Variants in CFAP43 observed in about 807,000 individuals in gnomAD.
CFAP43 encodes cilia- and flagella-associated protein 43.
A neutral mutation model predicts 218.9 loss-of-function variants in CFAP43; 155 were observed. That is an observed-to-expected ratio of 0.71 (90% confidence interval 0.62 to 0.81). The LOEUF (loss-of-function observed/expected upper bound fraction) is 0.81. Ranked by LOEUF, CFAP43 falls within the 30% of genes least tolerant of loss-of-function variation. The probability of loss-of-function intolerance (pLI) is 0.00; values close to 1 mark genes in which losing one functional copy is unlikely to be tolerated. For missense variants in CFAP43, 1,778 were observed against 1,954.3 expected (o/e 0.91, Z 1.70); for synonymous variants, 645 against 681.3 (o/e 0.95, Z 0.83).
At chr10:104,231,237 G>T (rs2091440738) in intron 1 of CFAP43, among the ~76,000 whole-genome samples, 1 of 152,082 alleles carries the variant, frequency 6.6e-6, no homozygotes, top group Non-Finnish European at 1.5e-5. Flanking sequence ...TAATTAGTTT[G>T]ATTTTTTTAA....
chr10:104,203,554 A>T, intron 8 of CFAP43, 118 bp downstream of exon 8: 2 of 945,740 alleles, frequency 2.1e-6, no homozygotes, highest in Non-Finnish European at 2.9e-6. Flanking sequence ...TTTACAACCT[A>T]GAGTCTTGAC....
intron 27 of CFAP43, among the ~76,000 whole-genome samples, chr10:104,153,843 CT>C (rs1293417007): frequency 1.3e-5 from 2 of 149,332 alleles, no homozygotes; most frequent in African/African-American, 2.5e-5. Context: ...CTTTCCTACA[CT>C]TTTCTGAACC....
rs1589750757 is a variant in CFAP43 at position 104,193,719 on chromosome 10, C to G, written c.1442+147G>C. The G allele has an allele frequency of 8.7e-6, 10 of 1,148,904 alleles. 1 individual carries two copies. In the East Asian group the frequency reaches 2.6e-4, roughly 30 times the overall value. 71.2% of individuals were successfully genotyped at this position (1,148,904 alleles called of 1,614,324 possible). A position where few individuals can be genotyped will look rare whatever the true frequency, so the allele number is the denominator to read the frequency against. ...TACTTTACTACACAGCCCTCTGTAC[C>G]TTTTGAGTGTTGAACTGTGTGAATA... On this transcript the variant is annotated intron_variant, in intron 11 of 37. Coordinates refer to ENST00000357060, the MANE Select transcript of CFAP43 (RefSeq NM_025145.7).
At chr10:104,226,583 A>T (rs2091309574) in intron 2 of CFAP43, among the ~76,000 whole-genome samples, 1 of 152,178 alleles carries the variant, frequency 6.6e-6, no homozygotes, top group South Asian at 2.1e-4. Flanking sequence ...AAGAGAGAAA[A>T]ATATACCCTC....
At chr10:104,172,636 TG>T in intron 19 of CFAP43, 101 bp from the exon 20 acceptor site, 2 of 1,021,352 alleles carry the variant, frequency 2.0e-6, no homozygotes, top group Non-Finnish European at 2.7e-6. Flanking sequence ...AAAAAATAGA[TG>T]TTCTATTTAT....
chr10:104,133,250 T>C (rs891475659), intron 35 of CFAP43, among the ~76,000 whole-genome samples: 1 of 152,198 alleles, frequency 6.6e-6, no homozygotes, highest in African/African-American at 2.4e-5. Context: ...ATTGAAGTGT[T>C]AGAGGCAAAA....
At chr10:104,178,820 A>G (rs1280606118) in intron 19 of CFAP43, among the ~76,000 whole-genome samples, 1 of 152,208 alleles carries the variant, frequency 6.6e-6, no homozygotes, top group African/African-American at 2.4e-5. Context: ...AAGACAAATA[A>G]GATGGTAATT....
intron 12 of CFAP43, among the ~76,000 whole-genome samples, chr10:104,191,864 T>C (rs2090235484): frequency 6.6e-6 from 1 of 151,866 alleles, no homozygotes; most frequent in East Asian, 1.9e-4. Context: ...TCATTAGAGA[T>C]AAAATATTAA....
chr10:104,179,099 T>G lies in CFAP43; in HGVS notation c.2390A>C (p.Lys797Thr). Residue 797 changes from lysine to threonine, a missense_variant, in exon 19 of 38, where the codon AAA becomes ACA. Physicochemically the swap from Lys to Thr is moderately conservative, Grantham distance 78. Coordinates refer to ENST00000357060, the MANE Select transcript of CFAP43 (RefSeq NM_025145.7). ...WIQQKSQEAI[K>T]KEVNLFSKKR... is the part of the protein sequence containing the mutation. ...CTTGGAAAACAGATTAACCTCCTTT[T>G]TGATGGCCTGAAACAGAACAAGTAT... is the stretch of plus-strand genomic sequence containing the variant. 6.2e-7 allele frequency: 1 copy of G among 1,612,968 alleles called. No individual in the cohort carries two copies. The highest frequency in any genetic ancestry group is 1.1e-5 in the South Asian group (1 of 90,984).
At chr10:104,165,665 A>G (rs2089116407) in intron 23 of CFAP43, among the ~76,000 whole-genome samples, 1 of 151,642 alleles carries the variant, frequency 6.6e-6, no homozygotes, top group Non-Finnish European at 1.5e-5. Context: ...TTCTACATGT[A>G]TAGACGTATT....
chr10:104,169,894 G>A (rs2089334979), intron 20 of CFAP43, among the ~76,000 whole-genome samples: 1 of 152,096 alleles, frequency 6.6e-6, no homozygotes, highest in Non-Finnish European at 1.5e-5. Flanking sequence ...CTCCACTGCT[G>A]AGGCTGTTTG....
chr10:104,159,854 T>C (rs2088779306), intron 27 of CFAP43, among the ~76,000 whole-genome samples: 1 of 152,168 alleles, frequency 6.6e-6, no homozygotes, highest in Non-Finnish European at 1.5e-5. Context: ...CCTTCCATTT[T>C]CACAGAGAAA....
At chr10:104,172,133 G>T (rs2089437646) in intron 20 of CFAP43, among the ~76,000 whole-genome samples, 1 of 152,176 alleles carries the variant, frequency 6.6e-6, no homozygotes, top group Non-Finnish European at 1.5e-5. Flanking sequence ...TGGCTGAGAA[G>T]ACTTCCAACA....
At chr10:104,198,812 G>A (rs564076641) in intron 8 of CFAP43, among the ~76,000 whole-genome samples, 38 of 151,456 alleles carry the variant, frequency 2.5e-4, no homozygotes, top group Admixed American at 7.2e-4. Context: ...CACTGTGCTC[G>A]GCTAATTTTT....
rs544694552 is a variant in CFAP43 at position 104,129,889 on chromosome 10, A to G, written c.*250T>C. 1.1e-5 allele frequency: 4 copies of G among 362,404 alleles called. No individual in the cohort carries two copies. The South Asian group carries it at 2.0e-4, about 18-fold the overall frequency. The allele number at this position is 362,404 out of a possible 1,614,324, so 22.4% of individuals were successfully genotyped here. On this transcript the variant is annotated 3_prime_UTR_variant, in exon 38 of 38. Transcript: ENST00000357060. ...TAAATGAGTAAAATAGATCTTGAAT[A>G]CTTTCTGACTTCAAGTCTTGTTTAT...
intron 29 of CFAP43, 55 bp downstream of exon 29, chr10:104,147,836 G>A: frequency 7.9e-7 from 1 of 1,264,712 alleles, no homozygotes; most frequent in East Asian, 2.4e-5. Context: ...CTTGCTAAAT[G>A]AGGGGCATGT....
At chr10:104,218,427 C>T (rs916405406) in intron 3 of CFAP43, among the ~76,000 whole-genome samples, 2 of 150,734 alleles carry the variant, frequency 1.3e-5, no homozygotes, top group African/African-American at 4.9e-5. Flanking sequence ...AAGCCTTATG[C>T]AATTCTTCCA....
chr10:104,153,028 C>A (rs559466804), intron 27 of CFAP43, among the ~76,000 whole-genome samples: 14 of 152,220 alleles, frequency 9.2e-5, no homozygotes, highest in South Asian at 4.1e-4. Flanking sequence ...TCCAGAAAAT[C>A]CTCACTCTTT....
At chr10:104,223,031 A>G (rs925478111) in intron 3 of CFAP43, among the ~76,000 whole-genome samples, 1 of 152,236 alleles carries the variant, frequency 6.6e-6, no homozygotes, top group African/African-American at 2.4e-5. Context: ...TCATAGAGCA[A>G]AAGCAGCCAT....
Sources: gnomAD v4.1 joint callset for allele counts (sites outside exome capture counted in the v4.1 genomes callset) on GRCh38, gnomAD v4.1.1 for gene constraint, MANE v1.5 for transcripts, NCBI Gene and HGNC (gene_info 2026-07-23, HGNC 2026-07-21) for gene names.